Variants in NRF1 observed in about 807,000 individuals in gnomAD.
The protein encoded by NRF1 is nuclear respiratory factor 1.
A neutral mutation model predicts 58.5 loss-of-function variants in NRF1; 5 were observed. The observed-to-expected ratio is 0.09, with a 90% CI of 0.04 to 0.18. NRF1 has a LOEUF of 0.18. Among genes scored for constraint, NRF1 ranks in the 10% least tolerant of loss-of-function variants. The pLI, the probability that NRF1 is intolerant of heterozygous loss-of-function variation, is 1.00. For missense variants in NRF1, 288 were observed against 657.7 expected, an observed-to-expected ratio of 0.44 and a Z score of 6.15; for synonymous variants, 224 against 246.7, an observed-to-expected ratio of 0.91 and a Z score of 0.86.
rs1191369860 is a variant in NRF1, at chr7:129,695,193, A to G, written c.606+4647A>G. ...GATTTAAAAAAAATTCTGGGAACAC[A>G]GAATTGAGCTGATTTATCTCATTTT... On this transcript the variant is annotated intron_variant, in intron 5 of 10. Coordinates refer to ENST00000393232, the MANE Select transcript of NRF1 (RefSeq NM_005011.5). Among the ~76,000 whole-genome samples the G allele has an allele frequency of 8.5e-5, 13 of 152,248 alleles. No homozygotes were observed. In the East Asian group the frequency reaches 2.5e-3, roughly 29 times the overall value.
intron 5 of NRF1, among the ~76,000 whole-genome samples, chr7:129,700,772 G>A (rs1802805546): frequency 6.6e-6 from 1 of 152,040 alleles, no homozygotes; most frequent in Non-Finnish European, 1.5e-5. Flanking sequence ...TTAAAAATTA[G>A]CCAGGCATGG....
At chr7:129,648,917 ATT>A (rs200283822) in intron 1 of NRF1, among the ~76,000 whole-genome samples, 29 of 121,176 alleles carry the variant, frequency 2.4e-4, no homozygotes, top group South Asian at 2.6e-4. Flanking sequence ...CTATAGCTTC[ATT>A]TTTTTTTTTT....
chr7:129,637,949 C>T (rs772783297), intron 1 of NRF1, among the ~76,000 whole-genome samples: 3 of 151,678 alleles, frequency 2.0e-5, no homozygotes, highest in Non-Finnish European at 2.9e-5. Flanking sequence ...ATTCTTCCAA[C>T]GTGGCCTGGG....
At chr7:129,676,019 T>C (rs1163670252) in intron 3 of NRF1, among the ~76,000 whole-genome samples, 1 of 152,238 alleles carries the variant, frequency 6.6e-6, no homozygotes, top group Admixed American at 6.5e-5. Context: ...AGCTTCTACA[T>C]CAGCACTTGC....
At chr7:129,677,480 G>C in intron 3 of NRF1, 152 bp from the exon 4 acceptor site, 1 of 673,588 alleles carries the variant, frequency 1.5e-6, no homozygotes, top group Non-Finnish European at 2.5e-6. Flanking sequence ...TATTTCTGCT[G>C]AATAGGATAG....
intron 10 of NRF1, among the ~76,000 whole-genome samples, chr7:129,734,098 TC>T (rs2116273029): frequency 6.6e-6 from 1 of 152,304 alleles, no homozygotes; most frequent in African/African-American, 2.4e-5. Flanking sequence ...TCAACATACT[TC>T]TCAGCTGTTG....
chr7:129,736,274 ATTTTTTT>A (rs61690883), intron 10 of NRF1, among the ~76,000 whole-genome samples: 2 of 97,942 alleles, frequency 2.0e-5, no homozygotes, highest in African/African-American at 7.7e-5. Context: ...GCTCAATAGA[ATTTTTTT>A]TTTTTTTTTT....
intron 4 of NRF1, 68 bp downstream of exon 4, chr7:129,677,826 C>A (rs970893127): frequency 1.3e-6 from 2 of 1,587,064 alleles, no homozygotes; most frequent in African/African-American, 2.7e-5. Context: ...TCTTCTGATC[C>A]TCTGTCAAGT....
At chr7:129,626,963 AGTG>A (rs1184118775) in intron 1 of NRF1, among the ~76,000 whole-genome samples, 4 of 152,230 alleles carry the variant, frequency 2.6e-5, no homozygotes, top group Non-Finnish European at 4.4e-5. Flanking sequence ...ACATAGGTGA[AGTG>A]GTATTTTTAA....
intron 1 of NRF1, among the ~76,000 whole-genome samples, chr7:129,623,031 T>A (rs1463439304): frequency 6.6e-6 from 1 of 152,224 alleles, no homozygotes; most frequent in African/African-American, 2.4e-5. Flanking sequence ...TACATATTTG[T>A]TGAGGAAATG....
At chr7:129,619,463 T>C (rs1321234306) in intron 1 of NRF1, among the ~76,000 whole-genome samples, 1 of 16,846 alleles carries the variant, frequency 5.9e-5, no homozygotes, top group Non-Finnish European at 1.1e-4. Flanking sequence ...TATACACGTG[T>C]GTGTGTGTGT....
chr7:129,652,025 A>T (rs1801548565), intron 1 of NRF1, among the ~76,000 whole-genome samples: 1 of 152,224 alleles, frequency 6.6e-6, no homozygotes, highest in South Asian at 2.1e-4. Context: ...ACCTCAGAAA[A>T]TTGAAAATTT....
intron 1 of NRF1, among the ~76,000 whole-genome samples, chr7:129,616,054 C>T (rs912938137): frequency 2.8e-4 from 42 of 152,060 alleles, no homozygotes; most frequent in African/African-American, 9.6e-4. Flanking sequence ...TATATATATA[C>T]ACACACACAT....
chr7:129,646,713 C>T (rs1240108598), intron 1 of NRF1, among the ~76,000 whole-genome samples: 1 of 152,178 alleles, frequency 6.6e-6, no homozygotes, highest in Non-Finnish European at 1.5e-5. Context: ...TCTCCCCTTC[C>T]AGTCTCCCTA....
chr7:129,751,783 T>G (rs145524409), intron 10 of NRF1, among the ~76,000 whole-genome samples: 2 of 152,352 alleles, frequency 1.3e-5, no homozygotes, highest in East Asian at 1.9e-4. Context: ...AGTATGTGGG[T>G]TCCCTGGAGG....
At chr7:129,624,830 C>CA (rs2151058225) in intron 1 of NRF1, among the ~76,000 whole-genome samples, 2 of 152,190 alleles carry the variant, frequency 1.3e-5, no homozygotes, top group East Asian at 3.9e-4. Flanking sequence ...CTAGGGCTTG[C>CA]AAAAGCAAGT....
At chr7:129,625,257 G>A (rs1435765954) in intron 1 of NRF1, among the ~76,000 whole-genome samples, 1 of 152,116 alleles carries the variant, frequency 6.6e-6, no homozygotes, top group East Asian at 1.9e-4. Context: ...AACCCACCTA[G>A]ATATTTCAGG....
intron 10 of NRF1, among the ~76,000 whole-genome samples, chr7:129,732,085 C>G (rs1675328194): frequency 6.6e-6 from 1 of 152,208 alleles, no homozygotes; most frequent in African/African-American, 2.4e-5. Context: ...CTGACAGATA[C>G]AGGCATTCAC....
intron 10 of NRF1, among the ~76,000 whole-genome samples, chr7:129,743,745 T>C (rs1375164791): frequency 6.6e-6 from 1 of 152,228 alleles, no homozygotes; most frequent in Non-Finnish European, 1.5e-5. Context: ...TCGTGACACA[T>C]TTTAAATCCT....
Sources: allele counts gnomAD v4.1 joint callset (sites outside exome capture counted in the v4.1 genomes callset), GRCh38; gene constraint gnomAD v4.1.1; transcripts MANE v1.5; gene names NCBI Gene and HGNC (gene_info 2026-07-23, HGNC 2026-07-21).